Variants in UBE2W observed in about 807,000 individuals in gnomAD.
UBE2W encodes ubiquitin conjugating enzyme E2 W.
A neutral mutation model predicts 27.2 loss-of-function variants in UBE2W; 18 were observed. That is an observed-to-expected ratio of 0.66 (90% CI 0.46 to 0.98). UBE2W has a LOEUF of 0.98. Ranked by LOEUF, UBE2W falls within the 50% of genes least tolerant of loss-of-function variation. The probability of loss-of-function intolerance (pLI) is 0.00; values close to 1 mark genes in which losing one functional copy is unlikely to be tolerated. For missense variants in UBE2W, 90 were observed against 180.2 expected, an observed-to-expected ratio of 0.50 and a Z score of 2.87; for synonymous variants, 53 against 57.2, an observed-to-expected ratio of 0.93 and a Z score of 0.33.
chr8:73,820,983 G>T (rs1472999421), intron 3 of UBE2W, among the ~76,000 whole-genome samples: 2 of 152,080 alleles, frequency 1.3e-5, no homozygotes, highest in Non-Finnish European at 2.9e-5. Flanking sequence ...ATTAAAAAAG[G>T]AATCCTTATA....
At chr8:73,832,513 G>C (rs1033805808) in intron 1 of UBE2W, among the ~76,000 whole-genome samples, 1 of 152,086 alleles carries the variant, frequency 6.6e-6, no homozygotes, top group African/African-American at 2.4e-5. Flanking sequence ...TTCACAAAAC[G>C]AATCGATTTC....
chr8:73,818,431 T>A (rs1201342968), intron 3 of UBE2W, among the ~76,000 whole-genome samples: 2 of 152,222 alleles, frequency 1.3e-5, no homozygotes, highest in African/African-American at 4.8e-5. Flanking sequence ...ACAGCCAGAC[T>A]GTTCCTTTTA....
At chr8:73,804,577 T>C (rs1471021939) in intron 5 of UBE2W, among the ~76,000 whole-genome samples, 3 of 151,666 alleles carry the variant, frequency 2.0e-5, no homozygotes, top group Non-Finnish European at 1.5e-5. Context: ...TAAGGGATAA[T>C]GATTAGAATA....
intron 1 of UBE2W, among the ~76,000 whole-genome samples, chr8:73,849,840 T>A (rs1810998667): frequency 6.6e-6 from 1 of 151,992 alleles, no homozygotes; most frequent in South Asian, 2.1e-4. Context: ...AAAAAGATAC[T>A]AGGATAAGTT....
intron 3 of UBE2W, among the ~76,000 whole-genome samples, chr8:73,821,696 A>G (rs772718932): frequency 1.3e-5 from 2 of 151,418 alleles, no homozygotes. Context: ...GGTTCAAATA[A>G]AAGATAAAAA....
chr8:73,830,806 A>AT (rs1295999537), intron 1 of UBE2W, among the ~76,000 whole-genome samples: 1 of 152,218 alleles, frequency 6.6e-6, no homozygotes, highest in African/African-American at 2.4e-5. Flanking sequence ...AAAAAACAAC[A>AT]TAACATCTTT....
At chr8:73,828,389 G>A (rs75354578) in intron 2 of UBE2W, among the ~76,000 whole-genome samples, 35 of 152,236 alleles carry the variant, frequency 2.3e-4, no homozygotes, top group African/African-American at 8.2e-4. Context: ...GCTGACTACA[G>A]ACTATAATTC....
At chr8:73,827,750 G>A (rs1809911068) in intron 2 of UBE2W, among the ~76,000 whole-genome samples, 1 of 151,614 alleles carries the variant, frequency 6.6e-6, no homozygotes, top group Admixed American at 6.6e-5. Flanking sequence ...ATGTTGCCCA[G>A]TCCGGTCTTG....
At position 73,875,370 on chromosome 8, in the gene UBE2W, T is replaced by C. The variant is rs535450202; in HGVS notation, c.15+3438A>G. Among the ~76,000 whole-genome samples the C allele has an allele frequency of 3.3e-5, 5 of 152,292 alleles. No individual in the cohort carries two copies. In the South Asian group the frequency reaches 1.0e-3, roughly 32 times the overall value. On this transcript the variant is annotated intron_variant, in intron 1 of 5. Transcript: ENST00000602593. The stretch of plus-strand genomic sequence containing the variant: ...TGTACTATTCAAAACTTACTTTCTA[T>C]GTGGGCAGAACCTAAAAGATGGTTG...
chr8:73,832,126 A>G (rs555502438), intron 1 of UBE2W, among the ~76,000 whole-genome samples: 67 of 134,830 alleles, frequency 5.0e-4, no homozygotes, highest in African/African-American at 2.3e-3. Context: ...ACAAACAAAA[A>G]AAATAAATAA....
intron 1 of UBE2W, among the ~76,000 whole-genome samples, chr8:73,855,285 C>A (rs1036797100): frequency 2.6e-5 from 4 of 151,800 alleles, no homozygotes; most frequent in African/African-American, 4.8e-5. Context: ...GGTCATACAG[C>A]ATGTTAAGTG....
At chr8:73,806,207 G>T (rs1180100620) in intron 4 of UBE2W, among the ~76,000 whole-genome samples, 4 of 152,044 alleles carry the variant, frequency 2.6e-5, no homozygotes, top group Non-Finnish European at 5.9e-5. Context: ...AAAAAGGACT[G>T]ATGAGAAAAG....
intron 1 of UBE2W, among the ~76,000 whole-genome samples, chr8:73,854,120 G>A (rs1000152948): frequency 6.6e-6 from 1 of 152,112 alleles, no homozygotes; most frequent in African/African-American, 2.4e-5. Context: ...CTGCACTCCA[G>A]CATGGGTGAC....
intron 1 of UBE2W, among the ~76,000 whole-genome samples, chr8:73,849,458 G>A (rs934667417): frequency 1.6e-5 from 2 of 121,446 alleles, no homozygotes; most frequent in Admixed American, 2.3e-4. Flanking sequence ...ATTGTAGTGA[G>A]CCAAGATCGC....
chr8:73,872,875 T>C (rs931388021), intron 1 of UBE2W, among the ~76,000 whole-genome samples: 1 of 152,074 alleles, frequency 6.6e-6, no homozygotes, highest in African/African-American at 2.4e-5. Flanking sequence ...ATTTTTACTG[T>C]TCAAAGATAA....
intron 1 of UBE2W, among the ~76,000 whole-genome samples, chr8:73,874,912 C>G (rs1385772413): frequency 6.6e-6 from 1 of 152,094 alleles, no homozygotes; most frequent in African/African-American, 2.4e-5. Context: ...ATACAAAAAC[C>G]TGTAGTCACA....
Position 73,788,940 on chromosome 8 carries a change from C to T in UBE2W, c.*5162G>A. ...GCATTCCTTCCACATACTCAAAATA[C>T]CCTCAGATATTTTATTAACAAAAAA... is the stretch of plus-strand genomic sequence containing the variant. On this transcript the variant is annotated 3_prime_UTR_variant, in exon 6 of 6. Coordinates refer to ENST00000602593, the MANE Select transcript of UBE2W (RefSeq NM_018299.6). 1.0e-6 allele frequency: 1 copy of T among 983,458 alleles called. No homozygotes were observed. 60.9% of individuals were successfully genotyped at this position (983,458 alleles called of 1,614,324 possible).
Position 73,786,618 on chromosome 8 carries a change from A to AGGGAAGAACATT in UBE2W, c.*7472_*7483dup. 2 of 985,448 alleles carry AGGGAAGAACATT rather than the reference A, an allele frequency of 2.0e-6. No homozygotes were observed. The highest frequency in any genetic ancestry group is 1.2e-4 in the Admixed American group (2 of 16,276). 61.0% of individuals were successfully genotyped at this position (985,448 alleles called of 1,614,324 possible). Reference sequence around the variant, plus strand: ...AAACGCAGATCATGAACATTCTAGGAGGGAAGAACATTAGCAGACGGCAGT... The same window carrying AGGGAAGAACATT: ...AAACGCAGATCATGAACATTCTAGGAGGGAAGAACATTGGGAAGAACATTAGCAGACGGCAGT... On this transcript the variant is annotated 3_prime_UTR_variant, in exon 6 of 6. Transcript: ENST00000602593.
chr8:73,799,118 G>A (rs1428209463), intron 5 of UBE2W, among the ~76,000 whole-genome samples: 2 of 152,020 alleles, frequency 1.3e-5, no homozygotes, highest in African/African-American at 4.8e-5. Flanking sequence ...CTACAAGTAA[G>A]TAATAAAGAA....
Sources: allele counts gnomAD v4.1 joint callset (sites outside exome capture counted in the v4.1 genomes callset), GRCh38; gene constraint gnomAD v4.1.1; transcripts MANE v1.5; gene names NCBI Gene and HGNC (gene_info 2026-07-23, HGNC 2026-07-21).